Variants in ACTL8 observed in about 807,000 individuals in gnomAD.
ACTL8 encodes actin like 8, also known as actin-like protein 8.
A neutral mutation model predicts 9.3 loss-of-function variants in ACTL8; 3 were observed. The observed-to-expected ratio is 0.32, with a 90% CI of 0.15 to 0.83. The LOEUF (loss-of-function observed/expected upper bound fraction) is 0.83. Among genes scored for constraint, ACTL8 ranks in the 40% least tolerant of loss-of-function variants. The pLI, the probability that ACTL8 is intolerant of heterozygous loss-of-function variation, is 0.57. For synonymous variants in ACTL8, 224 were observed against 205.9 expected (o/e 1.09, Z -0.75); for missense variants, 381 against 492.2 (o/e 0.77, Z 2.14).
At chr1:17,776,591 C>T (rs1385243078) in intron 1 of ACTL8, among the ~76,000 whole-genome samples, 3 of 152,192 alleles carry the variant, frequency 2.0e-5, no homozygotes, top group Admixed American at 1.3e-4. Flanking sequence ...GCCGTCGTCC[C>T]TTCTTCCTGC....
chr1:17,796,155 G>T (rs1370853209), intron 1 of ACTL8, among the ~76,000 whole-genome samples: 1 of 152,220 alleles, frequency 6.6e-6, no homozygotes, highest in East Asian at 1.9e-4. Context: ...GACCCCAGCT[G>T]CTCTGGCTAC....
intron 1 of ACTL8, among the ~76,000 whole-genome samples, chr1:17,813,154 C>G (rs1211139343): frequency 6.6e-6 from 1 of 152,142 alleles, no homozygotes; most frequent in Non-Finnish European, 1.5e-5. Flanking sequence ...CCATATTGCA[C>G]TGGTTTAGGA....
In ACTL8 at chr1:17,783,191, C is replaced by G. The variant is rs1186447547; in HGVS notation, c.-25+27687C>G. Among the ~76,000 whole-genome samples, 4 of 152,060 alleles carry G rather than the reference C, an allele frequency of 2.6e-5. No individual in the cohort carries two copies. The East Asian group carries it at 7.7e-4, about 29-fold the overall frequency. Reference sequence around the variant, plus strand: ...GGTACCTGATATGGTTTGGCTGTGTCCCCACCCAAATCTCATCTTGAATTT... The same window carrying G: ...GGTACCTGATATGGTTTGGCTGTGTGCCCACCCAAATCTCATCTTGAATTT... On this transcript the variant is annotated intron_variant, in intron 1 of 2. Transcript: ENST00000375406.
chr1:17,783,742 G>A (rs1429600241), intron 1 of ACTL8, among the ~76,000 whole-genome samples: 1 of 152,248 alleles, frequency 6.6e-6, no homozygotes, highest in East Asian at 1.9e-4. Flanking sequence ...TTCTAAGGAA[G>A]GGCTCCGTTT....
In ACTL8 at chr1:17,822,985, G is replaced by T. The variant is rs559937741; in HGVS notation, c.-24G>T. On this transcript the variant is annotated splice_region_variant and 5_prime_UTR_variant, in exon 2 of 3. Transcript: ENST00000375406. ...CTAACCCCATCCTTTGCTTCCGCAG[G>T]TCCCACCCACCTCTGCCTCCGCCAT... 3 of 1,601,150 alleles carry T rather than the reference G, an allele frequency of 1.9e-6. No homozygotes were observed. Among genetic ancestry groups the T allele is most frequent in the South Asian group, 1.1e-5 (1 of 88,724 alleles).
chr1:17,822,416 A>G (rs779399620), intron 1 of ACTL8, among the ~76,000 whole-genome samples: 1 of 152,230 alleles, frequency 6.6e-6, no homozygotes, highest in Non-Finnish European at 1.5e-5. Flanking sequence ...CCAACCTAAC[A>G]TGCAAAGCAT....
At chr1:17,791,177 G>A (rs539141537) in intron 1 of ACTL8, among the ~76,000 whole-genome samples, 1 of 152,234 alleles carries the variant, frequency 6.6e-6, no homozygotes, top group South Asian at 2.1e-4. Context: ...AGCTGCAGCG[G>A]CACCCAGGGA....
rs2065960393 is a variant in ACTL8 at position 17,755,461 on chromosome 1, TTTC to T, written c.-66_-64del. On this transcript the variant is annotated 5_prime_UTR_variant, in exon 1 of 3. Transcript: ENST00000375406. ...AGTGGGTGCCTCTTGTGAGACACTG[TTTC>T]TGAGAGCAGCTTTTGTGGCATCTTA... 1 of 152,242 alleles carries T rather than the reference TTTC, an allele frequency of 6.6e-6. No homozygotes were observed. Among genetic ancestry groups the T allele is most frequent in the Non-Finnish European group, 1.5e-5 (1 of 68,052 alleles). The allele number at this position is 152,242 out of a possible 1,614,324, so 9.4% of individuals were successfully genotyped here.
intron 1 of ACTL8, among the ~76,000 whole-genome samples, chr1:17,788,735 G>T (rs1423033460): frequency 1.3e-5 from 2 of 152,240 alleles, no homozygotes; most frequent in East Asian, 3.8e-4. Context: ...CAATGGGCAT[G>T]TGGGGAGGTG....
rs913717775 is a variant in ACTL8 at position 17,772,667 on chromosome 1, G to A, written c.-25+17163G>A. ...GAGGTTGGGGGGCTCCCTTTTGAACGAGAGGGGAGCAGTGATGTTTAGCAG... is the reference window on the plus strand; with the variant it reads ...GAGGTTGGGGGGCTCCCTTTTGAACAAGAGGGGAGCAGTGATGTTTAGCAG... On this transcript the variant is annotated intron_variant, in intron 1 of 2. Coordinates refer to ENST00000375406, the MANE Select transcript of ACTL8 (RefSeq NM_030812.3). Among the ~76,000 whole-genome samples, 19 of 152,308 alleles carry A rather than the reference G, an allele frequency of 1.2e-4. No individual in the cohort carries two copies. The East Asian group carries it at 1.5e-3, about 12-fold the overall frequency.
rs193236004 is a variant in ACTL8 at position 17,801,238 on chromosome 1, A to C, written c.-24-21747A>C. Among the ~76,000 whole-genome samples, 279 of 152,336 alleles carry C rather than the reference A, an allele frequency of 1.8e-3. 2 individuals are homozygous for C. The highest frequency in any genetic ancestry group is 3.2e-3 in the Non-Finnish European group (220 of 68,020). Reference sequence around the variant, plus strand: ...CTCCTCCTTGCAGATGAGACAAGACACAGAGAGGTTAATTTACTCAAGGTC... The same window carrying C: ...CTCCTCCTTGCAGATGAGACAAGACCCAGAGAGGTTAATTTACTCAAGGTC... On this transcript the variant is annotated intron_variant, in intron 1 of 2. Coordinates refer to ENST00000375406, the MANE Select transcript of ACTL8 (RefSeq NM_030812.3).
chr1:17,757,431 A>T lies in ACTL8; in HGVS notation c.-25+1927A>T, dbSNP rs117502177. On this transcript the variant is annotated intron_variant, in intron 1 of 2. Coordinates refer to ENST00000375406, the MANE Select transcript of ACTL8 (RefSeq NM_030812.3). The stretch of plus-strand genomic sequence containing the variant: ...AACATGGAATGGGGGCAGTTGTTGG[A>T]CTCTGATGAAACTGACAATCTAAAC... 1.4e-4 allele frequency among the ~76,000 whole-genome samples: 21 copies of T among 152,000 alleles called. No homozygotes were observed. The East Asian group carries it at 4.1e-3, about 29-fold the overall frequency.
At chr1:17,815,770 C>T (rs899584172) in intron 1 of ACTL8, among the ~76,000 whole-genome samples, 3 of 152,152 alleles carry the variant, frequency 2.0e-5, no homozygotes, top group African/African-American at 4.8e-5. Context: ...TCTTTTTCCT[C>T]TCACTTTGAA....
At chr1:17,788,911 T>TG (rs2066218487) in intron 1 of ACTL8, among the ~76,000 whole-genome samples, 1 of 152,208 alleles carries the variant, frequency 6.6e-6, no homozygotes, top group Non-Finnish European at 1.5e-5. Context: ...CCTCCTGGCA[T>TG]GGCTCAGGTC....
chr1:17,791,289 G>C (rs2066237818), intron 1 of ACTL8, among the ~76,000 whole-genome samples: 1 of 152,164 alleles, frequency 6.6e-6, no homozygotes, highest in Non-Finnish European at 1.5e-5. Context: ...GCTGCAGCAG[G>C]CGTGATGGCA....
chr1:17,772,254 T>G (rs964852908), intron 1 of ACTL8, among the ~76,000 whole-genome samples: 1 of 152,204 alleles, frequency 6.6e-6, no homozygotes, highest in African/African-American at 2.4e-5. Flanking sequence ...AAATTAGTGT[T>G]ATGGCAGCAT....
chr1:17,779,230 C>T (rs1337320997), intron 1 of ACTL8, among the ~76,000 whole-genome samples: 1 of 152,140 alleles, frequency 6.6e-6, no homozygotes, highest in East Asian at 1.9e-4. Context: ...ACCCCTCTCC[C>T]TCCCACAACC....
At chr1:17,811,071 C>T (rs957724385) in intron 1 of ACTL8, among the ~76,000 whole-genome samples, 8 of 152,146 alleles carry the variant, frequency 5.3e-5, no homozygotes, top group Admixed American at 1.3e-4. Context: ...AACTGTTTTC[C>T]AGAGTGTACA....
chr1:17,807,293 C>T (rs952872541), intron 1 of ACTL8, among the ~76,000 whole-genome samples: 7 of 152,086 alleles, frequency 4.6e-5, no homozygotes, highest in African/African-American at 7.2e-5. Flanking sequence ...CTTTGGAGAC[C>T]GCAGCATTGA....
Sources: allele counts gnomAD v4.1 joint callset (sites outside exome capture counted in the v4.1 genomes callset), GRCh38; gene constraint gnomAD v4.1.1; transcripts MANE v1.5; gene names NCBI Gene and HGNC (gene_info 2026-07-23, HGNC 2026-07-21).